Variants in LRRC49 observed in about 807,000 individuals in gnomAD.
The protein encoded by LRRC49 is leucine rich repeat containing 49, also known as leucine-rich repeat-containing protein 49.
Under a neutral mutation model 83.3 loss-of-function variants are expected in LRRC49, and 50 were observed. That is an observed-to-expected ratio of 0.60 (90% CI 0.48 to 0.76). LRRC49 has a LOEUF of 0.76. Ranked by LOEUF, LRRC49 falls within the 30% of genes least tolerant of loss-of-function variation. The pLI, the probability that LRRC49 is intolerant of heterozygous loss-of-function variation, is 0.00. For synonymous variants in LRRC49, 286 were observed against 283.3 expected, an observed-to-expected ratio of 1.01 and a Z score of -0.10; for missense variants, 704 against 809.1, an observed-to-expected ratio of 0.87 and a Z score of 1.58.
At chr15:70,926,427 C>G (rs1421452626) in intron 7 of LRRC49, among the ~76,000 whole-genome samples, 1 of 152,054 alleles carries the variant, frequency 6.6e-6, no homozygotes, top group Non-Finnish European at 1.5e-5. Flanking sequence ...GCTCTCATTT[C>G]TCTTAGGTAA....
chr15:70,854,313 G>A (rs1177497483), intron 1 of LRRC49, among the ~76,000 whole-genome samples: 1 of 151,970 alleles, frequency 6.6e-6, no homozygotes, highest in Admixed American at 6.5e-5. Context: ...GGCCTCGGAG[G>A]TGGAGGGCGG....
chr15:71,022,098 C>G lies in LRRC49; in HGVS notation c.1703+9185C>G, dbSNP rs530580219. On this transcript the variant is annotated intron_variant, in intron 14 of 15. Transcript: ENST00000260382. Reference sequence around the variant, plus strand: ...GATTAAAATGCAAAGATTAGCCAGGCCTGGTGGCTCATGCCTATAATCCCA... The same window carrying G: ...GATTAAAATGCAAAGATTAGCCAGGGCTGGTGGCTCATGCCTATAATCCCA... 6.6e-5 allele frequency among the ~76,000 whole-genome samples: 10 copies of G among 152,238 alleles called. No homozygotes were observed. The East Asian group carries it at 1.5e-3, about 23-fold the overall frequency.
At chr15:70,894,399 T>C (rs1387463757) in intron 2 of LRRC49, among the ~76,000 whole-genome samples, 7 of 152,274 alleles carry the variant, frequency 4.6e-5, no homozygotes, top group Admixed American at 2.6e-4. Context: ...AGGTTAGCAG[T>C]GGACACATGT....
intron 1 of LRRC49, among the ~76,000 whole-genome samples, chr15:70,864,650 C>A (rs1318080439): frequency 6.6e-6 from 1 of 152,212 alleles, no homozygotes; most frequent in African/African-American, 2.4e-5. Context: ...ACCTGGCAAA[C>A]TTCTAATCTT....
At chr15:70,911,928 A>G (rs1406818323) in intron 6 of LRRC49, among the ~76,000 whole-genome samples, 3 of 151,954 alleles carry the variant, frequency 2.0e-5, no homozygotes, top group African/African-American at 7.2e-5. Flanking sequence ...TTTTTATTCC[A>G]TCTCCTTATT....
At chr15:70,943,967 G>GT (rs986662989) in intron 8 of LRRC49, among the ~76,000 whole-genome samples, 39 of 152,240 alleles carry the variant, frequency 2.6e-4, no homozygotes, top group Admixed American at 2.2e-3. Flanking sequence ...GCTACTTACT[G>GT]TAACACATCC....
intron 2 of LRRC49, among the ~76,000 whole-genome samples, chr15:70,880,076 C>A (rs2033231780): frequency 6.6e-6 from 1 of 152,184 alleles, no homozygotes; most frequent in Non-Finnish European, 1.5e-5. Flanking sequence ...AGTCTTCTTA[C>A]TGTTCCTCAG....
upstream of LRRC49, chr15:70,892,764 C>A (rs1197560295): frequency 1.3e-6 from 2 of 1,584,354 alleles, no homozygotes; most frequent in Non-Finnish European, 1.7e-6. Context: ...AGGTCCAGAC[C>A]GGAAATGGTC....
At chr15:70,891,880 T>C (rs1195046229), upstream of LRRC49, 1 of 1,610,752 alleles carries the variant, frequency 6.2e-7, no homozygotes, top group Non-Finnish European at 8.5e-7. Flanking sequence ...CTCGGGGGCG[T>C]GTACAGGAGA....
intron 12 of LRRC49, 54 bp downstream of exon 12, chr15:71,008,670 T>C (rs2038547573): frequency 1.5e-6 from 2 of 1,307,228 alleles, no homozygotes; most frequent in Non-Finnish European, 2.2e-6. Context: ...ATGACTTGTG[T>C]GTTCAGGCCA....
intron 2 of LRRC49, among the ~76,000 whole-genome samples, chr15:70,875,457 T>C (rs2033133661): frequency 6.6e-6 from 1 of 152,070 alleles, no homozygotes; most frequent in Non-Finnish European, 1.5e-5. Flanking sequence ...AACAAACCTA[T>C]GATCGAGGAA....
At chr15:70,971,789 A>G (rs1230477738) in intron 9 of LRRC49, among the ~76,000 whole-genome samples, 1 of 135,650 alleles carries the variant, frequency 7.4e-6, no homozygotes, top group Non-Finnish European at 1.5e-5. Flanking sequence ...CTAGGATTGT[A>G]ACCACTCCTT....
chr15:70,954,148 G>A (rs1435020989), intron 8 of LRRC49, among the ~76,000 whole-genome samples: 1 of 152,298 alleles, frequency 6.6e-6, no homozygotes, highest in Non-Finnish European at 1.5e-5. Flanking sequence ...ACCTGCCTTG[G>A]CTTCCCAAAG....
In LRRC49 at chr15:70,853,851, C is replaced by A. The variant is rs2032562124; in HGVS notation, c.-299+382C>A. On this transcript the variant is annotated intron_variant, in intron 1 of 16. Transcript: ENST00000544974. ...CGAACTCGCGCGCGGCCCGGCGCCC[C>A]CTCGGGGCCCACCTCCCGGGCCAGC... 2.4e-6 allele frequency: 3 copies of A among 1,225,820 alleles called. No individual in the cohort carries two copies. The African/African-American group carries it at 4.7e-5, about 19-fold the overall frequency. 75.9% of individuals were successfully genotyped at this position (1,225,820 alleles called of 1,614,324 possible).
At chr15:70,942,659 G>A (rs1188150914) in intron 8 of LRRC49, among the ~76,000 whole-genome samples, 3 of 152,136 alleles carry the variant, frequency 2.0e-5, no homozygotes, top group Admixed American at 6.5e-5. Context: ...ACCATGGACC[G>A]TGACACAGCC....
chr15:71,017,362 C>T (rs1422918584), intron 14 of LRRC49, among the ~76,000 whole-genome samples: 4 of 152,240 alleles, frequency 2.6e-5, no homozygotes, highest in South Asian at 4.1e-4. Flanking sequence ...TATACTTTCT[C>T]ATACTTCCTG....
intron 11 of LRRC49, among the ~76,000 whole-genome samples, chr15:71,000,173 T>G (rs1174146029): frequency 6.6e-6 from 1 of 152,242 alleles, no homozygotes; most frequent in African/African-American, 2.4e-5. Flanking sequence ...TCCCTGGTTT[T>G]GTAATTTATT....
chr15:70,863,042 G>A (rs2032830046), intron 1 of LRRC49, among the ~76,000 whole-genome samples: 1 of 152,162 alleles, frequency 6.6e-6, no homozygotes, highest in Non-Finnish European at 1.5e-5. Context: ...CCTCAGACTT[G>A]GTGCAACTAG....
chr15:70,894,517 A>T, intron 2 of LRRC49: 1 of 684,096 alleles, frequency 1.5e-6, no homozygotes, highest in Non-Finnish European at 2.1e-6. Flanking sequence ...CTTTTGATTT[A>T]ATTTTTGAGA....
Sources: gnomAD v4.1 joint callset for allele counts (sites outside exome capture counted in the v4.1 genomes callset) on GRCh38, gnomAD v4.1.1 for gene constraint, MANE v1.5 for transcripts, NCBI Gene and HGNC (gene_info 2026-07-23, HGNC 2026-07-21) for gene names.